Variants in DAPK1 observed in about 807,000 individuals in gnomAD.
DAPK1 encodes the protein death associated protein kinase 1.
In DAPK1, 56 loss-of-function variants were observed where a neutral mutation model predicts 144.9. The observed-to-expected ratio is 0.39, with a 90% confidence interval of 0.31 to 0.48. The LOEUF (loss-of-function observed/expected upper bound fraction) is 0.48, where lower values mean the gene tolerates loss of function less well. DAPK1 is among the 20% of genes least tolerant of loss of function. The pLI is 0.95. For missense variants in DAPK1, 1,454 were observed against 1,875.4 expected (o/e 0.78, Z 4.15); for synonymous variants, 690 against 749.0 (o/e 0.92, Z 1.29).
At chr9:87,669,771 G>GT (rs1237587446) in intron 19 of DAPK1, among the ~76,000 whole-genome samples, 3 of 150,846 alleles carry the variant, frequency 2.0e-5, no homozygotes, top group Admixed American at 6.6e-5. Context: ...GGCAGGGGGG[G>GT]GCCACAGATT....
chr9:87,637,318 T>C (rs181605429), intron 3 of DAPK1, among the ~76,000 whole-genome samples: 1 of 152,210 alleles, frequency 6.6e-6, no homozygotes, highest in Non-Finnish European at 1.5e-5. Context: ...GGTCTCGATC[T>C]CTTGACCTTG....
intron 2 of DAPK1, among the ~76,000 whole-genome samples, chr9:87,567,929 AC>A (rs1425941442): frequency 6.6e-6 from 1 of 152,134 alleles, no homozygotes; most frequent in Non-Finnish European, 1.5e-5. Context: ...ATTTATAGAC[AC>A]CCCAAAAAGG....
intron 2 of DAPK1, among the ~76,000 whole-genome samples, chr9:87,604,621 G>A (rs1373930368): frequency 6.6e-6 from 1 of 152,168 alleles, no homozygotes; most frequent in Admixed American, 6.5e-5. Flanking sequence ...CAGGAAAAGA[G>A]TTTGCTGGAA....
intron 2 of DAPK1, among the ~76,000 whole-genome samples, chr9:87,537,870 G>C (rs1486970726): frequency 1.3e-5 from 2 of 152,134 alleles, no homozygotes; most frequent in African/African-American, 4.8e-5. Context: ...ACATCAGATA[G>C]CAGGGCCCGA....
At position 87,593,648 on chromosome 9, in the gene DAPK1, TTTC is replaced by T. The variant is rs543273251; in HGVS notation, c.63-11294_63-11292del. Reference sequence around the variant, plus strand: ...TCTTAGCACCCTGAACATATCTGACTTTCTTCTTCTTCTTTTGGCCATGGAATA... The same window carrying T: ...TCTTAGCACCCTGAACATATCTGACTTTCTTCTTCTTTTGGCCATGGAATA... On this transcript the variant is annotated intron_variant, in intron 2 of 25. Transcript: ENST00000408954. Among the ~76,000 whole-genome samples, 236 of 152,328 alleles carry T rather than the reference TTTC, an allele frequency of 1.5e-3. 1 individual carries two copies. The highest frequency in any genetic ancestry group is 4.8e-3 in the African/African-American group (198 of 41,564).
chr9:87,590,710 C>G (rs1828102560), intron 2 of DAPK1, among the ~76,000 whole-genome samples: 1 of 152,276 alleles, frequency 6.6e-6, no homozygotes, highest in South Asian at 2.1e-4. Context: ...ACCTCAGCCT[C>G]CTAAGTAGCT....
chr9:87,639,235 C>T (rs1830006051), intron 4 of DAPK1, 119 bp from the exon 5 acceptor site: 1 of 929,880 alleles, frequency 1.1e-6, no homozygotes, highest in Non-Finnish European at 1.6e-6. Context: ...CTCTTCCAAC[C>T]ACCCTTTCTT....
At chr9:87,497,716 A>G (rs1305664408), upstream of DAPK1, 1 of 245,214 alleles carries the variant, frequency 4.1e-6, no homozygotes, top group Non-Finnish European at 7.7e-6. Flanking sequence ...CGGAGCTGGG[A>G]GGAGCAGCGA....
intron 2 of DAPK1, among the ~76,000 whole-genome samples, chr9:87,546,297 G>C (rs1369548257): frequency 6.6e-6 from 1 of 152,156 alleles, no homozygotes; most frequent in African/African-American, 2.4e-5. Flanking sequence ...GGGAGTGAGG[G>C]GAAAACGAGA....
chr9:87,517,249 C>T (rs1005485664), intron 2 of DAPK1, among the ~76,000 whole-genome samples: 7 of 151,776 alleles, frequency 4.6e-5, no homozygotes, highest in Admixed American at 2.0e-4. Flanking sequence ...TGCTTTCCTC[C>T]GGGGGTGCAG....
chr9:87,538,481 G>A (rs1825933913), intron 2 of DAPK1, among the ~76,000 whole-genome samples: 1 of 152,062 alleles, frequency 6.6e-6, no homozygotes, highest in East Asian at 1.9e-4. Flanking sequence ...CCTTCCATTC[G>A]CCTTAAGATT....
rs764866331 is a variant in DAPK1 at position 87,706,480 on chromosome 9, C to G, written c.3409C>G (p.Leu1137Val). Residue 1137 changes from leucine to valine, a missense_variant, in exon 26 of 26, where the codon CTC becomes GTC. Around this residue, in one of 2 missense-constraint regions of DAPK1, gnomAD observed 1,025 missense variants for 1,237.9 expected, o/e 0.83. Transcript: ENST00000408954. The surrounding 1 kb of genome is among the most constrained non-coding windows in gnomAD (Gnocchi z 9.0). ...CGTGCGCATCGTGCCCGTGGAACAC[C>G]TCACCCCCTTCCCATGTGGCATCTT... ...GGVRIVPVEH[L>V]TPFPCGIFHK... The G allele has an allele frequency of 5.9e-5, 95 of 1,613,528 alleles. 1 individual carries two copies. In the South Asian group the frequency reaches 1.0e-3, roughly 18 times the overall value.
chr9:87,571,484 C>CCCCCCA (rs1564000952), intron 2 of DAPK1, among the ~76,000 whole-genome samples: 1 of 58,644 alleles, frequency 1.7e-5, no homozygotes, highest in Admixed American at 1.8e-4. Context: ...CCAACACACA[C>CCCCCCA]ACACACACAC....
rs1452528333 is a variant in DAPK1, at chr9:87,632,348, A to G, written c.285-5595A>G. On this transcript the variant is annotated intron_variant, in intron 3 of 25. Coordinates refer to ENST00000408954, the MANE Select transcript of DAPK1 (RefSeq NM_004938.4). ...ATGTAGGGACAAGGAGGATGAGTAC[A>G]TATGTAGGGATGAAGGAGGATGAGT... 5.1e-6 allele frequency: 5 copies of G among 984,064 alleles called. No homozygotes were observed. The African/African-American group carries it at 7.0e-5, about 14-fold the overall frequency. 61.0% of individuals were successfully genotyped at this position (984,064 alleles called of 1,614,324 possible). A position where few individuals can be genotyped will look rare whatever the true frequency, so the allele number is the denominator to read the frequency against.
chr9:87,504,444 C>T (rs750875278), intron 2 of DAPK1, among the ~76,000 whole-genome samples: 1 of 152,148 alleles, frequency 6.6e-6, no homozygotes, highest in African/African-American at 2.4e-5. Context: ...AATTTAGGTT[C>T]AAGGGGGCCA....
intron 15 of DAPK1, 69 bp from the exon 16 acceptor site, chr9:87,649,852 T>A: frequency 6.5e-7 from 1 of 1,531,586 alleles, no homozygotes. Context: ...ACAGGGACTC[T>A]CACCTTGCTT....
At chr9:87,525,988 A>G (rs949401004) in intron 2 of DAPK1, among the ~76,000 whole-genome samples, 2 of 151,754 alleles carry the variant, frequency 1.3e-5, no homozygotes, top group Non-Finnish European at 2.9e-5. Context: ...ACTGATTTCT[A>G]CTAGATTTTT....
intron 3 of DAPK1, among the ~76,000 whole-genome samples, chr9:87,636,778 T>G (rs1295232142): frequency 2.0e-5 from 3 of 152,252 alleles, no homozygotes; most frequent in African/African-American, 7.2e-5. Flanking sequence ...ATAATTGCAC[T>G]TAATTATTAT....
chr9:87,599,912 A>G (rs781006422), intron 2 of DAPK1, among the ~76,000 whole-genome samples: 39 of 152,168 alleles, frequency 2.6e-4, no homozygotes, highest in Non-Finnish European at 4.4e-4. Flanking sequence ...TCGTATATGT[A>G]TATGTGATTC....
Sources: gnomAD v4.1 joint callset for allele counts (sites outside exome capture counted in the v4.1 genomes callset) on GRCh38, gnomAD v4.1.1 for gene constraint, gnomAD v4.1.1 regional missense constraint, Gnocchi (gnomAD v3.1) non-coding constraint, MANE v1.5 for transcripts, NCBI Gene and HGNC (gene_info 2026-07-23, HGNC 2026-07-21) for gene names.